The following MIS18A variants were observed in gnomAD, a reference collection of about 807,000 sequenced individuals.
MIS18A encodes the protein protein Mis18-alpha.
In MIS18A, 14 loss-of-function variants were observed where a neutral mutation model predicts 25.0. That is an observed-to-expected ratio of 0.56 (90% CI 0.37 to 0.88). The LOEUF (loss-of-function observed/expected upper bound fraction) is 0.88. MIS18A is among the 40% of genes least tolerant of loss of function. The pLI is 0.00. For synonymous variants in MIS18A, 134 were observed against 118.6 expected (o/e 1.13, Z -0.84); for missense variants, 292 against 290.8 (o/e 1.00, Z -0.03).
chr21:32,217,471 A>T, the MIS18A span, among the ~76,000 whole-genome samples: 183 of 152,360 alleles, frequency 1.2e-3, 1 homozygote, highest in African/African-American at 4.2e-3. Flanking sequence ...AAGAAAATTT[A>T]ACAGAGCATA....
At chr21:32,206,369 C>T in the MIS18A span, among the ~76,000 whole-genome samples, 1 of 152,184 alleles carries the variant, frequency 6.6e-6, no homozygotes, top group East Asian at 1.9e-4. Context: ...CTTCTACAGT[C>T]TCTTTGTATA....
chr21:32,205,029 A>G, the MIS18A span, among the ~76,000 whole-genome samples: 1 of 152,002 alleles, frequency 6.6e-6, no homozygotes, highest in Non-Finnish European at 1.5e-5. Context: ...TTCTCCACCA[A>G]AGTCCTGGCA....
chr21:32,269,809 G>A lies in MIS18A; in HGVS notation c.525-6C>T. On this transcript the variant is annotated splice_region_variant and splice_polypyrimidine_tract_variant and intron_variant, in intron 3 of 4. Coordinates refer to ENST00000290130, the MANE Select transcript of MIS18A (RefSeq NM_018944.3). ...CAGAGGACCCTAAAACATAACTGAA[G>A]TACGGTACAAGGTTAAAATACAAGC... is the stretch of plus-strand genomic sequence containing the variant. The A allele has an allele frequency of 6.5e-7, 1 of 1,542,188 alleles. No individual in the cohort carries two copies. The highest frequency in any genetic ancestry group is 9.0e-7 in the Non-Finnish European group (1 of 1,114,700).
the MIS18A span, among the ~76,000 whole-genome samples, chr21:32,168,700 A>G: frequency 6.6e-6 from 1 of 152,202 alleles, no homozygotes; most frequent in Admixed American, 6.5e-5. Context: ...GACAGTTGTG[A>G]TATTTAAAGT....
chr21:32,222,814 C>A, the MIS18A span, among the ~76,000 whole-genome samples: 1 of 151,770 alleles, frequency 6.6e-6, no homozygotes, highest in East Asian at 1.9e-4. Context: ...ACCTGTAGTC[C>A]CATCTACTTG....
At chr21:32,191,517 G>A in the MIS18A span, among the ~76,000 whole-genome samples, 3 of 152,110 alleles carry the variant, frequency 2.0e-5, no homozygotes, top group Admixed American at 6.5e-5. Context: ...ATTTGAGCCC[G>A]GGAGTTCAAG....
At chr21:32,208,129 GTC>G in the MIS18A span, among the ~76,000 whole-genome samples, 13 of 150,500 alleles carry the variant, frequency 8.6e-5, no homozygotes, top group East Asian at 1.9e-4. Context: ...TCTGCCTTTC[GTC>G]TCTCTCTCTC....
chr21:32,195,207 A>G, the MIS18A span, among the ~76,000 whole-genome samples: 1 of 152,228 alleles, frequency 6.6e-6, no homozygotes, highest in Non-Finnish European at 1.5e-5. Context: ...GAGCTCAAGA[A>G]ATATTTTGAG....
chr21:32,160,447 C>T, the MIS18A span, among the ~76,000 whole-genome samples: 129 of 151,948 alleles, frequency 8.5e-4, no homozygotes, highest in Middle Eastern at 3.4e-3. Flanking sequence ...TGAGGATGGG[C>T]GCTTGTGACA....
At chr21:32,202,874 C>T in the MIS18A span, among the ~76,000 whole-genome samples, 311 of 152,298 alleles carry the variant, frequency 2.0e-3, 1 homozygote, top group African/African-American at 7.1e-3. Context: ...TATCCATTCA[C>T]CCACTGATGG....
chr21:32,205,899 C>A, the MIS18A span, among the ~76,000 whole-genome samples: 1 of 151,972 alleles, frequency 6.6e-6, no homozygotes, highest in Admixed American at 6.6e-5. Flanking sequence ...GGCCAAGCTG[C>A]TTCTGGGCTG....
At chr21:32,274,768 T>C in intron 2 of MIS18A, 62 bp downstream of exon 2, 1 of 1,337,024 alleles carries the variant, frequency 7.5e-7, no homozygotes, top group African/African-American at 1.5e-5. Flanking sequence ...AGTAATGACC[T>C]TTTAAAGATT....
intron 3 of MIS18A, 67 bp from the exon 4 acceptor site, chr21:32,269,870 A>G: frequency 1.0e-6 from 1 of 967,200 alleles, no homozygotes; most frequent in Non-Finnish European, 1.7e-6. Context: ...CCAGCTATTC[A>G]GGAGGCTGAG....
At chr21:32,265,373 G>C (rs572530388), downstream of MIS18A, among the ~76,000 whole-genome samples, 3 of 152,338 alleles carry the variant, frequency 2.0e-5, no homozygotes, top group Non-Finnish European at 4.4e-5. Flanking sequence ...TGGCGCTTGC[G>C]GGCCAGCTGG....
chr21:32,171,755 C>G, the MIS18A span, among the ~76,000 whole-genome samples: 4 of 152,000 alleles, frequency 2.6e-5, no homozygotes. Flanking sequence ...ATCCAGTCCA[C>G]AATTGACTGA....
the MIS18A span, among the ~76,000 whole-genome samples, chr21:32,243,449 G>GTA: frequency 6.6e-6 from 1 of 152,140 alleles, no homozygotes; most frequent in Admixed American, 6.5e-5. Flanking sequence ...TTACCAAATG[G>GTA]TATATATATG....
chr21:32,158,950 C>T, the MIS18A span, among the ~76,000 whole-genome samples: 1 of 152,272 alleles, frequency 6.6e-6, no homozygotes, highest in East Asian at 1.9e-4. Context: ...AAAAATTCAC[C>T]ACACAAGATT....
At chr21:32,194,546 C>T in the MIS18A span, among the ~76,000 whole-genome samples, 1 of 151,930 alleles carries the variant, frequency 6.6e-6, no homozygotes, top group Admixed American at 6.6e-5. Context: ...GTTATCCCAG[C>T]TACTCGGGAG....
the MIS18A span, among the ~76,000 whole-genome samples, chr21:32,192,526 G>A: frequency 1.3e-5 from 2 of 152,182 alleles, no homozygotes; most frequent in African/African-American, 2.4e-5. Flanking sequence ...GGGGGGGTCA[G>A]AGACTAGCCC....
Sources: allele counts gnomAD v4.1 joint callset (sites outside exome capture counted in the v4.1 genomes callset), GRCh38; gene constraint gnomAD v4.1.1; transcripts MANE v1.5; gene names NCBI Gene and HGNC (gene_info 2026-07-23, HGNC 2026-07-21).